RAB3GAP2: variants seen among roughly 807,000 people sequenced by gnomAD.
RAB3GAP2 encodes the protein rab3 GTPase-activating protein non-catalytic subunit.
RAB3GAP2 carries 87 observed loss-of-function variants against 185.3 expected under a neutral mutation model. That is an observed-to-expected ratio of 0.47 (90% confidence interval 0.39 to 0.56). The LOEUF (loss-of-function observed/expected upper bound fraction) is 0.56. Among genes scored for constraint, RAB3GAP2 ranks in the 20% least tolerant of loss-of-function variants. The pLI is 0.00. For missense variants in RAB3GAP2, 1,492 were observed against 1,638.2 expected, an observed-to-expected ratio of 0.91 and a Z score of 1.54; for synonymous variants, 554 against 576.1, an observed-to-expected ratio of 0.96 and a Z score of 0.55.
chr1:220,235,726 T>A (rs1024644340), intron 1 of RAB3GAP2, among the ~76,000 whole-genome samples: 4 of 152,168 alleles, frequency 2.6e-5, no homozygotes, highest in Admixed American at 2.6e-4. Flanking sequence ...AGTACCTGAC[T>A]CAATTCACAA....
intron 1 of RAB3GAP2, among the ~76,000 whole-genome samples, chr1:220,259,109 G>A (rs1312451107): frequency 1.3e-5 from 2 of 152,122 alleles, no homozygotes; most frequent in South Asian, 2.1e-4. Context: ...AACATTCCAT[G>A]CTCATGGATA....
chr1:220,212,848 A>AT (rs1440684195), intron 4 of RAB3GAP2, 39 bp downstream of exon 4: 1 of 1,465,858 alleles, frequency 6.8e-7, no homozygotes, highest in African/African-American at 1.4e-5. Context: ...TCATACATAC[A>AT]TGTAACACAC....
chr1:220,187,075 C>T (rs570056686), intron 17 of RAB3GAP2, among the ~76,000 whole-genome samples: 15 of 152,210 alleles, frequency 9.9e-5, no homozygotes, highest in East Asian at 1.9e-4. Flanking sequence ...GTTTTAAAAA[C>T]GGACTGCAAC....
intron 2 of RAB3GAP2, among the ~76,000 whole-genome samples, chr1:220,214,974 A>ATATG (rs1659162368): frequency 6.9e-6 from 1 of 145,292 alleles, no homozygotes; most frequent in Non-Finnish European, 1.5e-5. Flanking sequence ...ATATATATAT[A>ATATG]TACTTCTATA....
At position 220,151,740 on chromosome 1, in the gene RAB3GAP2, CTT is replaced by C; in HGVS notation, c.3890_3891del (p.Lys1297ArgfsTer54). 1.2e-6 allele frequency: 2 copies of C among 1,611,664 alleles called. No homozygotes were observed. Among genetic ancestry groups the C allele is most frequent in the Non-Finnish European group, 1.7e-6 (2 of 1,177,774 alleles). On this transcript the variant is annotated frameshift_variant, in exon 34 of 35. Coordinates refer to ENST00000358951, the MANE Select transcript of RAB3GAP2 (RefSeq NM_012414.4). LOFTEE classifies it high-confidence loss of function. Reference sequence around the variant, plus strand: ...ACCAGCAGCTGAGAGGCAAGGACCTCTTTGTCATGAACCTGTAGAATGGCCTG... The same window carrying C: ...ACCAGCAGCTGAGAGGCAAGGACCTCTGTCATGAACCTGTAGAATGGCCTG... ...GEEAILQVHD[K>X]EVLASQLLVL...
At chr1:220,225,834 G>C (rs1309749440) in intron 2 of RAB3GAP2, among the ~76,000 whole-genome samples, 1 of 152,134 alleles carries the variant, frequency 6.6e-6, no homozygotes, top group African/African-American at 2.4e-5. Flanking sequence ...CTCCTGTGTG[G>C]CAGGTGGCAT....
At chr1:220,214,948 A>ATATATATATATC (rs1429597646) in intron 2 of RAB3GAP2, among the ~76,000 whole-genome samples, 1 of 115,004 alleles carries the variant, frequency 8.7e-6, no homozygotes, top group South Asian at 2.6e-4. Context: ...TAGTAGCATT[A>ATATATATATATC]TATATATATA....
At chr1:220,243,556 C>G (rs1409851013) in intron 1 of RAB3GAP2, among the ~76,000 whole-genome samples, 1 of 152,144 alleles carries the variant, frequency 6.6e-6, no homozygotes, top group Non-Finnish European at 1.5e-5. Context: ...CGGACCCACG[C>G]AGGCTAGCTC....
At chr1:220,216,339 A>G (rs935862425) in intron 2 of RAB3GAP2, among the ~76,000 whole-genome samples, 10 of 152,200 alleles carry the variant, frequency 6.6e-5, no homozygotes, top group African/African-American at 2.4e-4. Context: ...CTACAGATAA[A>G]TTAGAAAATT....
At chr1:220,253,968 T>C (rs1055480738) in intron 1 of RAB3GAP2, 2 of 1,613,592 alleles carry the variant, frequency 1.2e-6, no homozygotes, top group African/African-American at 2.7e-5. Flanking sequence ...CTCAGCCTCC[T>C]TGGAAGAAAA....
At chr1:220,219,103 T>C (rs920238810) in intron 2 of RAB3GAP2, among the ~76,000 whole-genome samples, 17 of 152,224 alleles carry the variant, frequency 1.1e-4, no homozygotes, top group African/African-American at 4.1e-4. Flanking sequence ...AGAAAACTGC[T>C]GGAGGTGTGG....
chr1:220,208,069 A>G (rs768222461), intron 7 of RAB3GAP2: 1 of 152,194 alleles, frequency 6.6e-6, no homozygotes, highest in Non-Finnish European at 1.5e-5. Context: ...GAGTAACAAC[A>G]AAGACTTCCT....
intron 29 of RAB3GAP2, among the ~76,000 whole-genome samples, chr1:220,159,151 A>T (rs966902873): frequency 6.6e-6 from 1 of 152,224 alleles, no homozygotes; most frequent in Non-Finnish European, 1.5e-5. Context: ...AAGCTGAACA[A>T]CATCTTATAA....
chr1:220,170,650 C>T (rs561023903), intron 24 of RAB3GAP2, among the ~76,000 whole-genome samples: 2 of 152,262 alleles, frequency 1.3e-5, no homozygotes, highest in Non-Finnish European at 2.9e-5. Context: ...GGTCCTCTGA[C>T]CACTCTTTGA....
chr1:220,189,553 T>C (rs890927889), intron 17 of RAB3GAP2, 150 bp downstream of exon 17: 3 of 675,800 alleles, frequency 4.4e-6, no homozygotes, highest in African/African-American at 3.8e-5. Context: ...CAGGAACTTC[T>C]ATCTGAAAAT....
Position 220,164,794 on chromosome 1 carries a change from TGCTTCCTTACATACAGG to T in RAB3GAP2, c.3088-12_3092del. On this transcript the variant is annotated splice_acceptor_variant and splice_polypyrimidine_tract_variant and coding_sequence_variant and intron_variant, in exon 27 of 35. Coordinates refer to ENST00000358951, the MANE Select transcript of RAB3GAP2 (RefSeq NM_012414.4). LOFTEE classifies it high-confidence loss of function. ...GTTCTATTGACCTAACAAAAAAACG[TGCTTCCTTACATACAGG>T]GAGAAAAAAACGAGAAAGAAAAAGA... The T allele has an allele frequency of 6.2e-7, 1 of 1,608,048 alleles. No homozygotes were observed. Among genetic ancestry groups the T allele is most frequent in the Non-Finnish European group, 8.5e-7 (1 of 1,176,234 alleles).
intron 1 of RAB3GAP2, among the ~76,000 whole-genome samples, chr1:220,253,198 C>T (rs1659970792): frequency 6.6e-6 from 1 of 152,218 alleles, no homozygotes; most frequent in African/African-American, 2.4e-5. Context: ...TTCCTCCTCA[C>T]TGGGTGGGAC....
chr1:220,248,029 T>C (rs1358166207), intron 1 of RAB3GAP2, among the ~76,000 whole-genome samples: 1 of 151,792 alleles, frequency 6.6e-6, no homozygotes, highest in South Asian at 2.1e-4. Context: ...TATTATGAGA[T>C]CCAGGTCACA....
At chr1:220,188,020 G>T (rs1238585212) in intron 17 of RAB3GAP2, among the ~76,000 whole-genome samples, 1 of 151,592 alleles carries the variant, frequency 6.6e-6, no homozygotes, top group Non-Finnish European at 1.5e-5. Context: ...TCTCCAGGTA[G>T]ATGGTGTCAG....
Sources: gnomAD v4.1 joint callset for allele counts (sites outside exome capture counted in the v4.1 genomes callset) on GRCh38, gnomAD v4.1.1 for gene constraint, MANE v1.5 for transcripts, NCBI Gene and HGNC (gene_info 2026-07-23, HGNC 2026-07-21) for gene names.